ZNF691: variants seen among roughly 807,000 people sequenced by gnomAD.
The protein encoded by ZNF691 is zinc finger protein 691.
In ZNF691, 11 loss-of-function variants were observed where a neutral mutation model predicts 24.1. The observed-to-expected ratio is 0.46, with a 90% CI of 0.29 to 0.75. The LOEUF is 0.75. Ranked by LOEUF, ZNF691 falls within the 30% of genes least tolerant of loss-of-function variation. The pLI, the probability that ZNF691 is intolerant of heterozygous loss-of-function variation, is 0.11. For missense variants in ZNF691, 356 were observed against 409.0 expected (o/e 0.87, Z 1.12); for synonymous variants, 149 against 153.9 (o/e 0.97, Z 0.23).
At chr1:42,848,032 C>T (rs956682010) in intron 1 of ZNF691, among the ~76,000 whole-genome samples, 9 of 152,202 alleles carry the variant, frequency 5.9e-5, no homozygotes, top group African/African-American at 2.2e-4. Flanking sequence ...ACTTAACCTT[C>T]TGCATTGTAT....
chr1:42,852,275 G>A lies in ZNF691; in HGVS notation c.*462G>A, dbSNP rs1185442124. 1 of 278,222 alleles carries A rather than the reference G, an allele frequency of 3.6e-6. No homozygotes were observed. The highest frequency in any genetic ancestry group is 2.2e-5 in the African/African-American group (1 of 44,742). The allele number at this position is 278,222 out of a possible 1,614,324, so 17.2% of individuals were successfully genotyped here. ...AACTTTGCTTCTAGATCTCTGGGGT[G>A]GGAGGAGTGACCTTCTCAATGGAAG... On this transcript the variant is annotated 3_prime_UTR_variant, in exon 4 of 4. Coordinates refer to ENST00000651192, the MANE Select transcript of ZNF691 (RefSeq NM_001242739.2).
At position 42,851,781 on chromosome 1, in the gene ZNF691, T is replaced by C; in HGVS notation, c.916T>C (p.Leu306=). 6.2e-7 allele frequency: 1 copy of C among 1,614,134 alleles called. No homozygotes were observed. The highest frequency in any genetic ancestry group is 8.5e-7 in the Non-Finnish European group (1 of 1,179,982). Residue 306 remains leucine, a synonymous_variant, in exon 4 of 4, where the codon TTG becomes CTG. Coordinates refer to ENST00000651192, the MANE Select transcript of ZNF691 (RefSeq NM_001242739.2). The surrounding 1 kb of genome is among the most constrained non-coding windows in gnomAD (Gnocchi z 4.7). ...SNLIRHQKTH[L]GEQAGKDSS ...TCTCATCCGCCACCAGAAAACTCAC[T>C]TGGGCGAACAGGCTGGGAAAGATTC...
rs571715343 is a variant in ZNF691, at chr1:42,851,009, G to A, written c.144G>A (p.Gly48=). 4 of 1,549,492 alleles carry A rather than the reference G, an allele frequency of 2.6e-6. No individual in the cohort carries two copies. The South Asian group carries it at 3.8e-5, about 15-fold the overall frequency. The change falls in exon 4 of 4, where the codon GGG becomes GGA. Residue 48 remains glycine, a synonymous_variant. Transcript: ENST00000651192. This position sits in a 1 kb window ranked among gnomAD's most constrained non-coding sequence, Gnocchi z 4.7. ...QSPEPHLPEE[G]EGGKPWRVDD... ...CAGAACCACACCTGCCTGAGGAAGG[G>A]GAAGGGGGTAAGCCTTGGAGAGTGG...
rs1160008345 is a variant in ZNF691 at position 42,851,765 on chromosome 1, C to T, written c.900C>T (p.Arg300=). The T allele has an allele frequency of 7.4e-6, 12 of 1,614,206 alleles. No homozygotes were observed. Among genetic ancestry groups the T allele is most frequent in the South Asian group, 2.2e-5 (2 of 91,084 alleles). Residue 300 remains arginine (R), a synonymous_variant, in exon 4 of 4, where the codon CGC becomes CGT. Transcript: ENST00000651192. The surrounding 1 kb of genome is among the most constrained non-coding windows in gnomAD (Gnocchi z 4.7). The part of the protein sequence containing the change: ...KHFSRSSNLI[R]HQKTHLGEQA... ...TCTCCCGGAGCTCGAATCTCATCCG[C>T]CACCAGAAAACTCACTTGGGCGAAC...
In ZNF691 at chr1:42,852,032, A is replaced by G; in HGVS notation, c.*219A>G. On this transcript the variant is annotated 3_prime_UTR_variant, in exon 4 of 4. Transcript: ENST00000651192. ...TTTCCAGGCCAATTTCTCGTGTTGG[A>G]AAGTCAGAAGACCCAGTCTTGGCTT... 1 of 751,822 alleles carries G rather than the reference A, an allele frequency of 1.3e-6. No homozygotes were observed. The highest frequency in any genetic ancestry group is 2.1e-5 in the Admixed American group (1 of 48,526). The allele number at this position is 751,822 out of a possible 1,614,324, so 46.6% of individuals were successfully genotyped here.
intron 3 of ZNF691, among the ~76,000 whole-genome samples, 195 bp downstream of exon 3, chr1:42,849,937 T>C (rs1655335307): frequency 6.6e-6 from 1 of 151,998 alleles, no homozygotes; most frequent in East Asian, 1.9e-4. Context: ...GTGTACTTGG[T>C]ATGTGAGTGT....
In ZNF691 at chr1:42,851,451, A is replaced by G; in HGVS notation, c.586A>G (p.Lys196Glu). The G allele has an allele frequency of 6.2e-7, 1 of 1,614,168 alleles. No individual in the cohort carries two copies. The highest frequency in any genetic ancestry group is 8.5e-7 in the Non-Finnish European group (1 of 1,180,024). The change falls in exon 4 of 4, where the codon AAG becomes GAG. Residue 196 changes from lysine (K) to glutamate (E), a missense_variant. Transcript: ENST00000651192. This position sits in a 1 kb window ranked among gnomAD's most constrained non-coding sequence, Gnocchi z 4.7. Reference sequence around the variant, plus strand: ...CACGCACCAGCAAGATCACCTAGGCAAGCGGCCATACCGCTGTGACATCTG... The same window carrying G: ...CACGCACCAGCAAGATCACCTAGGCGAGCGGCCATACCGCTGTGACATCTG... ...LTTHQQDHLG[K>E]RPYRCDICGK...
At chr1:42,850,267 T>C (rs1217131863) in intron 3 of ZNF691, 1 of 281,732 alleles carries the variant, frequency 3.5e-6, no homozygotes, top group African/African-American at 2.3e-5. Context: ...GGTGGGGCTT[T>C]GTATGGTGTT....
chr1:42,846,752 G>C (rs906915713), intron 1 of ZNF691, 95 bp downstream of exon 1: 1 of 152,356 alleles, frequency 6.6e-6, no homozygotes, highest in Non-Finnish European at 1.5e-5. Context: ...CGAGGATCTG[G>C]ATGCTGCTGC....
chr1:42,849,258 A>G, intron 1 of ZNF691, 33 bp from the exon 2 acceptor site: 1 of 394,036 alleles, frequency 2.5e-6, no homozygotes, highest in Non-Finnish European at 4.9e-6. Flanking sequence ...TAATGAGATC[A>G]TTTAAAAGAT....
Position 42,849,596 on chromosome 1 carries a change from C to T in ZNF691, c.-63C>T. Reference sequence around the variant, plus strand: ...TTGCAGACTTGAAGGAATTATCAGTCTTTCATTTTCTATCATCAGTGTCCT... The same window carrying T: ...TTGCAGACTTGAAGGAATTATCAGTTTTTCATTTTCTATCATCAGTGTCCT... On this transcript the variant is annotated 5_prime_UTR_variant, in exon 3 of 4. Transcript: ENST00000651192. 2 of 1,250,880 alleles carry T rather than the reference C, an allele frequency of 1.6e-6. No individual in the cohort carries two copies. The highest frequency in any genetic ancestry group is 1.1e-6 in the Non-Finnish European group (1 of 873,532). The allele number at this position is 1,250,880 out of a possible 1,614,324, so 77.5% of individuals were successfully genotyped here.
In ZNF691 at chr1:42,851,503, C is replaced by T. The variant is rs368089333; in HGVS notation, c.638C>T (p.Thr213Met). Residue 213 changes from threonine to methionine, a missense_variant, in exon 4 of 4, where the codon ACG (threonine) becomes ATG (methionine). By Grantham distance (81) the Thr-to-Met change is moderately conservative. Transcript: ENST00000651192. The surrounding 1 kb of genome is among the most constrained non-coding windows in gnomAD (Gnocchi z 4.7). ...GGCAAGAGCTTCAGCCAGAGTGCCA[C>T]GCTAGCTGTGCATCACCGGACCCAC... ...ICGKSFSQSA[T>M]LAVHHRTHLE... 16 of 1,614,222 alleles carry T rather than the reference C, an allele frequency of 9.9e-6. No homozygotes were observed. Among genetic ancestry groups the T allele is most frequent in the Admixed American group, 5.0e-5 (3 of 60,032 alleles).
chr1:42,850,540 A>G (rs1655355461), intron 3 of ZNF691: 1 of 1,456,642 alleles, frequency 6.9e-7, no homozygotes, highest in East Asian at 2.5e-5. Flanking sequence ...TTTTTCAAAA[A>G]GGATTAAACA....
chr1:42,851,663 T>C lies in ZNF691; in HGVS notation c.798T>C (p.Asp266=). The part of the protein sequence containing the change: ...ECTECGRTFS[D]ISNFGAHQRT... Reference sequence around the variant, plus strand: ...CTGAGTGTGGGCGGACCTTCAGCGATATCTCCAACTTTGGAGCACACCAGC... The same window carrying C: ...CTGAGTGTGGGCGGACCTTCAGCGACATCTCCAACTTTGGAGCACACCAGC... Residue 266 remains aspartate (D), a synonymous_variant, in exon 4 of 4, where the codon GAT becomes GAC. Coordinates refer to ENST00000651192, the MANE Select transcript of ZNF691 (RefSeq NM_001242739.2). The surrounding 1 kb of genome is among the most constrained non-coding windows in gnomAD (Gnocchi z 4.7). The C allele has an allele frequency of 6.2e-7, 1 of 1,614,164 alleles. No homozygotes were observed. The highest frequency in any genetic ancestry group is 8.5e-7 in the Non-Finnish European group (1 of 1,180,042).
In ZNF691 at chr1:42,849,650, C is replaced by T. The variant is rs1322300356; in HGVS notation, c.-9C>T. ...ATAGTTTGTGCTTCCCTCCCTCATC[C>T]CTTTGTTCATGTCACTCTGTTCACC... is the stretch of plus-strand genomic sequence containing the variant. On this transcript the variant is annotated 5_prime_UTR_variant, in exon 3 of 4. Transcript: ENST00000651192. The T allele has an allele frequency of 6.5e-7, 1 of 1,548,798 alleles. No individual in the cohort carries two copies. Among genetic ancestry groups the T allele is most frequent in the East Asian group, 2.4e-5 (1 of 40,916 alleles).
chr1:42,849,946 G>C (rs959218687), intron 3 of ZNF691, among the ~76,000 whole-genome samples: 2 of 152,190 alleles, frequency 1.3e-5, no homozygotes, highest in Non-Finnish European at 1.5e-5. Flanking sequence ...GTATGTGAGT[G>C]TGTGTCTGTG....
rs1251284783 is a variant in ZNF691 at position 42,849,724 on chromosome 1, G to A, written c.66G>A (p.Met22Ile). The A allele has an allele frequency of 6.4e-7, 1 of 1,550,998 alleles. No individual in the cohort carries two copies. Among genetic ancestry groups the A allele is most frequent in the Non-Finnish European group, 8.7e-7 (1 of 1,147,104 alleles). Residue 22 changes from methionine (M) to isoleucine (I), a missense_variant, in exon 3 of 4, where the codon ATG becomes ATA. Physicochemically the swap from Met to Ile is conservative, Grantham distance 10 (BLOSUM62 1). Coordinates refer to ENST00000651192, the MANE Select transcript of ZNF691 (RefSeq NM_001242739.2). ...TATTTCTTCAAGGCCCGGAGGAAATGCTACCACTCTCATCAGAGGTACTTT... is the reference window on the plus strand; with the variant it reads ...TATTTCTTCAAGGCCCGGAGGAAATACTACCACTCTCATCAGAGGTACTTT... ...MSLFLQGPEE[M>I]LPLSSEGSEM...
At position 42,849,831 on chromosome 1, in the gene ZNF691, CA is replaced by C. The variant is rs1347897085; in HGVS notation, c.84+92del. On this transcript the variant is annotated intron_variant, in intron 3 of 3. Transcript: ENST00000651192. ...TTAGCACACATTAGTGATGTTTGCA[CA>C]AATCAGGACCTGTACTGGGCACTCT... 2.6e-6 allele frequency: 3 copies of C among 1,141,566 alleles called. No individual in the cohort carries two copies. In the African/African-American group the frequency reaches 4.6e-5, roughly 18 times the overall value. The allele number at this position is 1,141,566 out of a possible 1,614,324, so 70.7% of individuals were successfully genotyped here.
At chr1:42,847,735 G>A (rs1481839820) in intron 1 of ZNF691, among the ~76,000 whole-genome samples, 1 of 152,184 alleles carries the variant, frequency 6.6e-6, no homozygotes, top group Admixed American at 6.5e-5. Context: ...ATAGTATAAT[G>A]GTTAAAAGCA....
Sources: allele counts gnomAD v4.1 joint callset (sites outside exome capture counted in the v4.1 genomes callset), GRCh38; gene constraint gnomAD v4.1.1; non-coding constraint Gnocchi (gnomAD v3.1); transcripts MANE v1.5; gene names NCBI Gene and HGNC (gene_info 2026-07-23, HGNC 2026-07-21).